SGCD: variants seen among roughly 807,000 people sequenced by gnomAD.
The protein encoded by SGCD is delta-sarcoglycan.
SGCD carries 18 observed loss-of-function variants against 36.6 expected under a neutral mutation model. That is an observed-to-expected ratio of 0.49 (90% CI 0.34 to 0.73). The LOEUF is 0.73. SGCD is among the 30% of genes least tolerant of loss of function. SGCD has a pLI of 0.01. For missense variants in SGCD, 387 were observed against 346.7 expected (o/e 1.12, Z -0.92); for synonymous variants, 133 against 130.6 (o/e 1.02, Z -0.12).
chr5:155,972,147 A>C (rs1758017564), intron 1 of SGCD, among the ~76,000 whole-genome samples: 2 of 152,164 alleles, frequency 1.3e-5, no homozygotes, highest in South Asian at 2.1e-4. Flanking sequence ...GTCTTTTAAG[A>C]ATATTTTCTG....
rs866393751 is a variant in SGCD at position 156,171,748 on chromosome 5, G to A, written c.-44+47729G>A. Among the ~76,000 whole-genome samples the A allele has an allele frequency of 1.6e-4, 25 of 152,218 alleles. 1 individual carries two copies. In the Middle Eastern group the frequency reaches 0.014, roughly 83 times the overall value. On this transcript the variant is annotated intron_variant, in intron 3 of 9. Transcript: ENST00000517913. ...AATCAAAATAAAGAGTTTAAAAATGGGGATGATACTGAGGGGAATGGTTTG... is the reference window on the plus strand; with the variant it reads ...AATCAAAATAAAGAGTTTAAAAATGAGGATGATACTGAGGGGAATGGTTTG...
intron 3 of SGCD, among the ~76,000 whole-genome samples, chr5:156,302,246 T>C (rs1041401623): frequency 2.0e-5 from 3 of 152,090 alleles, no homozygotes; most frequent in East Asian, 1.9e-4. Flanking sequence ...TCAAGTAGCC[T>C]GTCTTCAGAC....
intron 4 of SGCD, among the ~76,000 whole-genome samples, chr5:156,580,957 G>T (rs1490567572): frequency 6.6e-6 from 1 of 152,154 alleles, no homozygotes; most frequent in Admixed American, 6.5e-5. Flanking sequence ...GTGAGGAGCT[G>T]CTATCCTTTG....
At chr5:156,100,297 CA>C (rs879577511) in intron 1 of SGCD, among the ~76,000 whole-genome samples, 161 of 137,610 alleles carry the variant, frequency 1.2e-3, no homozygotes, top group East Asian at 3.6e-3. Context: ...AACAAGCAAA[CA>C]AAAAAAAAAA....
intron 1 of SGCD, among the ~76,000 whole-genome samples, chr5:156,005,257 C>T (rs1758733580): frequency 6.6e-6 from 1 of 152,128 alleles, no homozygotes; most frequent in Non-Finnish European, 1.5e-5. Context: ...CCCTTCATCC[C>T]AGTCCTAATG....
intron 3 of SGCD, among the ~76,000 whole-genome samples, chr5:156,152,696 T>G (rs968382679): frequency 6.6e-6 from 1 of 151,710 alleles, no homozygotes; most frequent in African/African-American, 2.4e-5. Flanking sequence ...AACTTCACCT[T>G]TTCTTTTTAC....
At chr5:155,779,877 A>T in the SGCD span, among the ~76,000 whole-genome samples, 1,406 of 152,126 alleles carry the variant, frequency 9.2e-3, 21 homozygotes, top group African/African-American at 0.032. Flanking sequence ...TAATTTTTTA[A>T]ATTTGTATTT....
intron 1 of SGCD, among the ~76,000 whole-genome samples, chr5:155,917,605 G>A (rs956704101): frequency 1.3e-5 from 2 of 152,218 alleles, no homozygotes; most frequent in East Asian, 3.9e-4. Flanking sequence ...AAAACATACA[G>A]CCTAACCAAC....
At chr5:156,436,697 G>A (rs1753261469) in intron 3 of SGCD, among the ~76,000 whole-genome samples, 1 of 152,176 alleles carries the variant, frequency 6.6e-6, no homozygotes, top group Non-Finnish European at 1.5e-5. Context: ...TGCTGCAGTG[G>A]CTAAATTTAC....
In SGCD at chr5:156,126,512, A is replaced by G. The variant is rs56287238; in HGVS notation, c.-44+2493A>G. 8.9e-3 allele frequency among the ~76,000 whole-genome samples: 1,354 copies of G among 152,262 alleles called. 18 individuals are homozygous for G. The highest frequency in any genetic ancestry group is 0.031 in the African/African-American group (1,301 of 41,550). On this transcript the variant is annotated intron_variant, in intron 3 of 9. Coordinates refer to the SGCD transcript ENST00000517913. ...GCAAAGAATGCCTGTTTTGCTGTGCATGTTCATCACAGGGCTCTGTTCAGC... is the reference window on the plus strand; with the variant it reads ...GCAAAGAATGCCTGTTTTGCTGTGCGTGTTCATCACAGGGCTCTGTTCAGC...
At chr5:155,881,851 A>G (rs186593474) in intron 1 of SGCD, among the ~76,000 whole-genome samples, 613 of 152,324 alleles carry the variant, frequency 4.0e-3, no homozygotes, top group Middle Eastern at 0.01. Context: ...CCAGGTCAAG[A>G]AACCACTTTC....
chr5:156,280,922 A>G (rs1042948469), intron 3 of SGCD, among the ~76,000 whole-genome samples: 1 of 152,208 alleles, frequency 6.6e-6, no homozygotes, highest in Non-Finnish European at 1.5e-5. Context: ...AAACCCATAG[A>G]GCAAGGTTGC....
chr5:156,202,893 G>A (rs920170680), intron 3 of SGCD, among the ~76,000 whole-genome samples: 2 of 151,804 alleles, frequency 1.3e-5, no homozygotes, highest in Admixed American at 1.3e-4. Flanking sequence ...TGAATTCTAG[G>A]TAAGGCTGAT....
intron 3 of SGCD, among the ~76,000 whole-genome samples, chr5:156,320,108 TG>T: frequency 6.6e-6 from 1 of 151,666 alleles, no homozygotes; most frequent in South Asian, 2.1e-4. Context: ...TGTGTGTGTG[TG>T]TGTGTGTGTG....
chr5:155,743,627 A>G, the SGCD span, among the ~76,000 whole-genome samples: 4 of 152,228 alleles, frequency 2.6e-5, no homozygotes, highest in Non-Finnish European at 5.9e-5. Flanking sequence ...ATGGTCCTGT[A>G]TGCTACAAAA....
intron 7 of SGCD, among the ~76,000 whole-genome samples, chr5:156,665,512 A>G (rs1764120510): frequency 6.6e-6 from 1 of 151,166 alleles, no homozygotes; most frequent in Admixed American, 6.6e-5. Flanking sequence ...AGCTGCTTTA[A>G]TAATGGCCCA....
At chr5:156,155,724 A>G (rs1201924554) in intron 3 of SGCD, among the ~76,000 whole-genome samples, 1 of 151,598 alleles carries the variant, frequency 6.6e-6, no homozygotes, top group Admixed American at 6.6e-5. Context: ...GATAGAGCCA[A>G]GTAGCCCTCC....
intron 3 of SGCD, among the ~76,000 whole-genome samples, chr5:156,415,339 C>A (rs1467102325): frequency 6.6e-6 from 1 of 151,972 alleles, no homozygotes; most frequent in Admixed American, 6.6e-5. Flanking sequence ...CATTTTTTTC[C>A]CATCATATGG....
At chr5:156,315,699 T>C (rs1767499904) in intron 3 of SGCD, among the ~76,000 whole-genome samples, 1 of 152,006 alleles carries the variant, frequency 6.6e-6, no homozygotes, top group African/African-American at 2.4e-5. Flanking sequence ...TTCTCTTTTC[T>C]GTACATCCTT....
Sources: gnomAD v4.1 joint callset for allele counts (sites outside exome capture counted in the v4.1 genomes callset) on GRCh38, gnomAD v4.1.1 for gene constraint, MANE v1.5 for transcripts, NCBI Gene and HGNC (gene_info 2026-07-23, HGNC 2026-07-21) for gene names.